ANK2: variants seen among roughly 807,000 people sequenced by gnomAD.
ANK2 encodes ankyrin 2.
ANK2 carries 83 observed loss-of-function variants against 360.5 expected under a neutral mutation model. The ratio of observed to expected loss-of-function variants is 0.23; its 90% CI spans 0.19 to 0.28. The LOEUF (loss-of-function observed/expected upper bound fraction) is 0.28, where lower values mean the gene tolerates loss of function less well. Ranked by LOEUF, ANK2 falls within the 10% of genes least tolerant of loss-of-function variation. The pLI is 1.00. For synonymous variants in ANK2, 1,740 were observed against 1,759.5 expected (o/e 0.99, Z 0.28); for missense variants, 4,201 against 4,795.7 (o/e 0.88, Z 3.66).
At chr4:112,885,376 G>A (rs1314905745) in intron 1 of ANK2, among the ~76,000 whole-genome samples, 1 of 151,878 alleles carries the variant, frequency 6.6e-6, no homozygotes, top group African/African-American at 2.4e-5. Flanking sequence ...GCACGCGCCT[G>A]TAATCCCAGT....
intron 1 of ANK2, among the ~76,000 whole-genome samples, chr4:113,103,972 C>A (rs2093299432): frequency 6.6e-6 from 1 of 152,104 alleles, no homozygotes; most frequent in Non-Finnish European, 1.5e-5. Flanking sequence ...CCTCTGAAGA[C>A]AGACAAAATC....
intron 2 of ANK2, among the ~76,000 whole-genome samples, chr4:112,959,012 C>A (rs891613997): frequency 6.6e-6 from 1 of 152,050 alleles, no homozygotes; most frequent in Admixed American, 6.6e-5. Context: ...CCACGCCCGG[C>A]TGATTTTTTG....
chr4:113,347,897 C>A, intron 35 of ANK2: 1 of 197,788 alleles, frequency 5.1e-6, no homozygotes, highest in South Asian at 1.1e-4. Flanking sequence ...CCACCATATG[C>A]TTATTTGTAG....
At chr4:113,289,078 G>C (rs913878051) in intron 20 of ANK2, among the ~76,000 whole-genome samples, 1 of 152,142 alleles carries the variant, frequency 6.6e-6, no homozygotes, top group Non-Finnish European at 1.5e-5. Flanking sequence ...TGCACTCAAT[G>C]TGGTTCAAGG....
intron 2 of ANK2, among the ~76,000 whole-genome samples, chr4:112,969,976 A>G (rs2038859056): frequency 6.6e-6 from 1 of 152,050 alleles, no homozygotes; most frequent in Non-Finnish European, 1.5e-5. Context: ...ATCTAGAGAC[A>G]TATAATTTTA....
chr4:113,375,133 T>C (rs1360501204), intron 45 of ANK2, among the ~76,000 whole-genome samples: 2 of 152,232 alleles, frequency 1.3e-5, no homozygotes, highest in African/African-American at 4.8e-5. Context: ...GTGGTGTTCA[T>C]TGGTGTCACC....
the ANK2 span, among the ~76,000 whole-genome samples, chr4:112,709,234 G>A: frequency 1.6e-4 from 24 of 152,088 alleles, no homozygotes; most frequent in Non-Finnish European, 3.2e-4. Context: ...TTTCCAACTC[G>A]TAAGTCAAAT....
the ANK2 span, among the ~76,000 whole-genome samples, chr4:112,715,227 AG>A: frequency 0.16 from 23,679 of 152,044 alleles, 1,930 homozygotes; most frequent in East Asian, 0.27. Context: ...CAACAGTAAA[AG>A]TCCCAAGAAA....
intron 2 of ANK2, among the ~76,000 whole-genome samples, chr4:112,988,826 G>A (rs558371992): frequency 1.4e-4 from 21 of 152,294 alleles, no homozygotes; most frequent in Middle Eastern, 6.8e-3. Context: ...AAGGAGTTTA[G>A]AGTCTTTATT....
intron 26 of ANK2, among the ~76,000 whole-genome samples, chr4:113,321,030 A>G (rs2085920319): frequency 6.6e-6 from 1 of 152,230 alleles, no homozygotes; most frequent in South Asian, 2.1e-4. Context: ...CTTAATCTGT[A>G]AAGAGAGAGA....
At chr4:112,739,089 A>T in the ANK2 span, 1 of 519,940 alleles carries the variant, frequency 1.9e-6, no homozygotes. Context: ...CAGGCTGTGC[A>T]GCAAAGAAAA....
chr4:113,093,017 A>G (rs887662575), intron 1 of ANK2, among the ~76,000 whole-genome samples: 8 of 152,218 alleles, frequency 5.3e-5, no homozygotes, highest in African/African-American at 1.4e-4. Context: ...TCTAGTCCCA[A>G]TTCTTTTGAC....
At chr4:113,053,240 T>C (rs2067965378) in intron 1 of ANK2, among the ~76,000 whole-genome samples, 1 of 152,162 alleles carries the variant, frequency 6.6e-6, no homozygotes, top group Admixed American at 6.5e-5. Context: ...TTCTCCAGCT[T>C]GAACACAAAG....
intron 4 of ANK2, among the ~76,000 whole-genome samples, chr4:113,208,391 G>A (rs1310976723): frequency 6.6e-6 from 1 of 151,972 alleles, no homozygotes; most frequent in Non-Finnish European, 1.5e-5. Context: ...ATGGCCTATG[G>A]GAGGAGAGGA....
intron 1 of ANK2, among the ~76,000 whole-genome samples, chr4:112,877,814 T>C (rs2075561870): frequency 6.6e-6 from 1 of 152,214 alleles, no homozygotes; most frequent in Non-Finnish European, 1.5e-5. Context: ...ATCTTAATGC[T>C]GGAGGTAAAA....
At chr4:112,730,636 C>CAAAAAAAAAAAAA in the ANK2 span, among the ~76,000 whole-genome samples, 1 of 57,942 alleles carries the variant, frequency 1.7e-5, no homozygotes. Context: ...GACTCCATCT[C>CAAAAAAAAAAAAA]AAAAAAAAAA....
the ANK2 span, among the ~76,000 whole-genome samples, chr4:112,796,480 A>G: frequency 6.9e-6 from 1 of 145,636 alleles, no homozygotes; most frequent in Non-Finnish European, 1.5e-5. Flanking sequence ...ACACACACAC[A>G]TACATATCAT....
intron 25 of ANK2, 35 bp from the exon 26 acceptor site, chr4:113,318,482 G>A: frequency 2.0e-6 from 3 of 1,525,282 alleles, no homozygotes; most frequent in Middle Eastern, 1.7e-4. Flanking sequence ...TTGAAGCAAA[G>A]TGTGTTTATT....
intron 1 of ANK2, among the ~76,000 whole-genome samples, chr4:113,102,183 C>T (rs79492753): frequency 6.6e-5 from 10 of 151,698 alleles, no homozygotes; most frequent in Admixed American, 1.3e-4. Context: ...TGAGCAGCAG[C>T]GGTGGCTGGT....
Sources: allele counts gnomAD v4.1 joint callset (sites outside exome capture counted in the v4.1 genomes callset), GRCh38; gene constraint gnomAD v4.1.1; transcripts MANE v1.5; gene names NCBI Gene and HGNC (gene_info 2026-07-23, HGNC 2026-07-21).